Variants in LVRN observed in about 807,000 individuals in gnomAD.
The protein encoded by LVRN is laeverin.
LVRN carries 99 observed loss-of-function variants against 111.4 expected under a neutral mutation model. The ratio of observed to expected loss-of-function variants is 0.89; its 90% CI spans 0.76 to 1.05. LVRN has a LOEUF of 1.05. LVRN is among the 50% of genes least tolerant of loss of function. LVRN has a pLI of 0.00. For synonymous variants in LVRN, 488 were observed against 449.5 expected (o/e 1.09, Z -1.08); for missense variants, 1,414 against 1,206.8 (o/e 1.17, Z -2.54).
intron 1 of LVRN, among the ~76,000 whole-genome samples, chr5:115,974,174 A>G (rs938461858): frequency 2.6e-5 from 4 of 152,188 alleles, no homozygotes; most frequent in African/African-American, 9.6e-5. Flanking sequence ...GTCTTTTGAT[A>G]CTACAGATAT....
intron 9 of LVRN, 26 bp downstream of exon 9, chr5:116,000,684 T>A (rs1264430079): frequency 6.2e-7 from 1 of 1,608,664 alleles, no homozygotes. Flanking sequence ...TCTGACACAT[T>A]CTTGCTGAGT....
Position 116,000,434 on chromosome 5 carries a change from G to A in LVRN, c.1517G>A (p.Gly506Glu). Residue 506 changes from glycine to glutamate, a missense_variant and splice_region_variant, in exon 8 of 20, where the codon GGA becomes GAA. Physicochemically the swap from Gly to Glu is moderately conservative, Grantham distance 98 (BLOSUM62 -2). Transcript: ENST00000357872. ...AATGGACAGCTTCTTTTGTCCTAGG[G>A]AGCGTCTATGGCCCGGATGCTTTCT... ...ELFDIFTYSK[G>E]ASMARMLSCF... is the part of the protein sequence containing the mutation. 6.2e-7 allele frequency: 1 copy of A among 1,614,096 alleles called. No individual in the cohort carries two copies. The highest frequency in any genetic ancestry group is 8.5e-7 in the Non-Finnish European group (1 of 1,179,980).
intron 1 of LVRN, among the ~76,000 whole-genome samples, chr5:115,969,265 T>C (rs1753269675): frequency 6.6e-6 from 1 of 152,184 alleles, no homozygotes; most frequent in Non-Finnish European, 1.5e-5. Context: ...CAACCATTAT[T>C]AATTTTTTTT....
intron 1 of LVRN, among the ~76,000 whole-genome samples, chr5:115,967,472 C>G (rs1045450114): frequency 6.6e-5 from 10 of 152,208 alleles, no homozygotes; most frequent in African/African-American, 2.4e-4. Flanking sequence ...CTATTCTGTT[C>G]CATCAACATA....
intron 18 of LVRN, chr5:116,020,114 G>T (rs1486940077): frequency 6.6e-6 from 1 of 152,200 alleles, no homozygotes; most frequent in Non-Finnish European, 1.5e-5. Context: ...CTTTTGGCTT[G>T]GTCTTGGTCT....
At chr5:115,987,782 T>A (rs1449076345) in intron 3 of LVRN, 31 bp from the exon 4 acceptor site, 1 of 1,597,244 alleles carries the variant, frequency 6.3e-7, no homozygotes, top group Admixed American at 1.8e-5. Context: ...CTACTGGTTT[T>A]CCTAATCACT....
intron 1 of LVRN, among the ~76,000 whole-genome samples, chr5:115,970,621 G>A (rs1375556871): frequency 6.6e-6 from 1 of 152,094 alleles, no homozygotes; most frequent in Non-Finnish European, 1.5e-5. Context: ...TTCTGACCTT[G>A]TGATCCACTC....
intron 10 of LVRN, 33 bp downstream of exon 10, chr5:116,001,272 T>C: frequency 1.2e-6 from 2 of 1,608,806 alleles, no homozygotes; most frequent in Non-Finnish European, 1.7e-6. Context: ...GTCTTCACCT[T>C]CCTTGGGGTT....
intron 13 of LVRN, among the ~76,000 whole-genome samples, chr5:116,008,148 T>C (rs1748415809): frequency 6.6e-6 from 1 of 152,054 alleles, no homozygotes; most frequent in African/African-American, 2.4e-5. Context: ...AAGACCATCC[T>C]GGCTAACACA....
chr5:116,010,259 T>C (rs1748456851), intron 13 of LVRN, among the ~76,000 whole-genome samples: 1 of 152,220 alleles, frequency 6.6e-6, no homozygotes, highest in South Asian at 2.1e-4. Context: ...TTATATGCAC[T>C]GGAAAATCAA....
chr5:115,990,490 A>G (rs1747962176), intron 4 of LVRN, among the ~76,000 whole-genome samples: 1 of 152,160 alleles, frequency 6.6e-6, no homozygotes, highest in Non-Finnish European at 1.5e-5. Context: ...CTTGTGGTAT[A>G]TGCTTTAAAT....
intron 18 of LVRN, among the ~76,000 whole-genome samples, chr5:116,016,923 G>A (rs1334467687): frequency 1.3e-5 from 2 of 152,108 alleles, no homozygotes; most frequent in Non-Finnish European, 2.9e-5. Context: ...AGTAATAGAT[G>A]TATTTGATAA....
intron 13 of LVRN, among the ~76,000 whole-genome samples, chr5:116,006,214 T>A (rs2112614948): frequency 6.6e-6 from 1 of 152,338 alleles, no homozygotes; most frequent in South Asian, 2.1e-4. Flanking sequence ...TTTAATGCAA[T>A]CTTGCCTGTA....
At position 115,972,730 on chromosome 5, in the gene LVRN, AG is replaced by A. The variant is rs546295580; in HGVS notation, c.695+9420del. On this transcript the variant is annotated intron_variant, in intron 1 of 19. Coordinates refer to ENST00000357872, the MANE Select transcript of LVRN (RefSeq NM_173800.5). ...ATTATTAATTATGATTTTTCCTATA[AG>A]GTTTTTTTTGGTAGATTCTTTTCAT... 1.4e-3 allele frequency among the ~76,000 whole-genome samples: 213 copies of A among 152,016 alleles called. 1 individual carries two copies. Among genetic ancestry groups the A allele is most frequent in the African/African-American group, 4.0e-3 (166 of 41,484 alleles).
intron 3 of LVRN, 71 bp downstream of exon 3, chr5:115,984,780 T>C: frequency 6.4e-7 from 1 of 1,570,732 alleles, no homozygotes. Context: ...TCTTTCTGCA[T>C]CCAGTGGTTA....
intron 19 of LVRN, chr5:116,023,232 G>A (rs746693756): frequency 9.2e-5 from 14 of 152,176 alleles, no homozygotes; most frequent in Non-Finnish European, 1.9e-4. Context: ...TGGTAAATAT[G>A]TCTACCCCAT....
chr5:115,996,491 C>A (rs1274891828), intron 6 of LVRN, among the ~76,000 whole-genome samples: 1 of 152,134 alleles, frequency 6.6e-6, no homozygotes, highest in Non-Finnish European at 1.5e-5. Flanking sequence ...TTTTAAAAAG[C>A]TTAAGCTCTC....
At chr5:116,011,518 G>T (rs892755606) in intron 14 of LVRN, among the ~76,000 whole-genome samples, 1 of 152,106 alleles carries the variant, frequency 6.6e-6, no homozygotes, top group South Asian at 2.1e-4. Context: ...CGAAAGTTAG[G>T]TAGCCCTCTT....
chr5:115,992,292 GTTC>G lies in LVRN; in HGVS notation c.1260+18_1260+20del. 6.2e-7 allele frequency: 1 copy of G among 1,612,926 alleles called. No individual in the cohort carries two copies. ...TTGGACACCAGGCATGTGGTAAAAT[GTTC>G]TTTTTATTTCACTTGAAGTTATTCT... On this transcript the variant is annotated intron_variant, in intron 5 of 19. Coordinates refer to ENST00000357872, the MANE Select transcript of LVRN (RefSeq NM_173800.5).
Sources: gnomAD v4.1 joint callset for allele counts (sites outside exome capture counted in the v4.1 genomes callset) on GRCh38, gnomAD v4.1.1 for gene constraint, MANE v1.5 for transcripts, NCBI Gene and HGNC (gene_info 2026-07-23, HGNC 2026-07-21) for gene names.